The following CSNK1E variants were observed in gnomAD, a reference collection of about 807,000 sequenced individuals.
CSNK1E encodes the protein casein kinase I isoform epsilon.
CSNK1E carries 17 observed loss-of-function variants against 46.1 expected under a neutral mutation model. That is an observed-to-expected ratio of 0.37 (90% confidence interval 0.25 to 0.55). The LOEUF is 0.55. Ranked by LOEUF, CSNK1E falls within the 20% of genes least tolerant of loss-of-function variation. The pLI is 0.82. For synonymous variants in CSNK1E, 241 were observed against 242.6 expected (o/e 0.99, Z 0.06); for missense variants, 386 against 595.4 (o/e 0.65, Z 3.66).
rs2092713381 is a variant in CSNK1E at position 38,309,833 on chromosome 22, A to G, written c.76+4249T>C. On this transcript the variant is annotated intron_variant, in intron 2 of 10. Coordinates refer to ENST00000396832, the MANE Select transcript of CSNK1E (RefSeq NM_152221.3). This position sits in a 1 kb window ranked among gnomAD's most constrained non-coding sequence, Gnocchi z 4.8. Reference sequence around the variant, plus strand: ...ATCATATGCTACAAACTTCCCAGGGACAGGGACCCAAGCTGCTAGGCAAAG... The same window carrying G: ...ATCATATGCTACAAACTTCCCAGGGGCAGGGACCCAAGCTGCTAGGCAAAG... Among the ~76,000 whole-genome samples, 1 of 152,216 alleles carries G rather than the reference A, an allele frequency of 6.6e-6. No individual in the cohort carries two copies. The highest frequency in any genetic ancestry group is 2.4e-5 in the African/African-American group (1 of 41,456).
intron 2 of CSNK1E, among the ~76,000 whole-genome samples, chr22:38,313,595 C>G (rs757597033): frequency 4.6e-5 from 7 of 152,184 alleles, no homozygotes; most frequent in Admixed American, 1.3e-4. Flanking sequence ...GAGACCGCAT[C>G]CCCCCACCCC....
Position 38,309,362 on chromosome 22 carries a change from G to A in CSNK1E, c.76+4720C>T, listed in dbSNP as rs1485065710. On this transcript the variant is annotated intron_variant, in intron 2 of 10. Coordinates refer to ENST00000396832, the MANE Select transcript of CSNK1E (RefSeq NM_152221.3). The surrounding 1 kb of genome is among the most constrained non-coding windows in gnomAD (Gnocchi z 4.8). Reference sequence around the variant, plus strand: ...CAGCACTTGGTGATTCGGCAGATGTGTGCAGGGAGGAGAGGTGCTGGGGAG... The same window carrying A: ...CAGCACTTGGTGATTCGGCAGATGTATGCAGGGAGGAGAGGTGCTGGGGAG... Among the ~76,000 whole-genome samples the A allele has an allele frequency of 6.6e-6, 1 of 152,214 alleles. No homozygotes were observed. Among genetic ancestry groups the A allele is most frequent in the Admixed American group, 6.5e-5 (1 of 15,288 alleles).
rs549552326 is a variant in CSNK1E at position 38,303,453 on chromosome 22, C to T, written c.77-205G>A. Among the ~76,000 whole-genome samples, 1 of 152,324 alleles carries T rather than the reference C, an allele frequency of 6.6e-6. No homozygotes were observed. The highest frequency in any genetic ancestry group is 1.5e-5 in the Non-Finnish European group (1 of 68,028). On this transcript the variant is annotated intron_variant, in intron 2 of 10. Coordinates refer to ENST00000396832, the MANE Select transcript of CSNK1E (RefSeq NM_152221.3). The surrounding 1 kb of genome is among the most constrained non-coding windows in gnomAD (Gnocchi z 4.7). ...GAAAGAAGGTCAGCGCTGTGAGGGA[C>T]AGAGGTGACACACAAGGGCTACCCA...
chr22:38,310,194 C>T (rs141324083), intron 2 of CSNK1E, among the ~76,000 whole-genome samples: 73 of 152,222 alleles, frequency 4.8e-4, no homozygotes, highest in African/African-American at 1.7e-3. Flanking sequence ...GCCCCACATG[C>T]GAAGGCCTAG....
chr22:38,301,096 G>A (rs2092669671), intron 4 of CSNK1E, 144 bp from the exon 5 acceptor site: 1 of 665,766 alleles, frequency 1.5e-6, no homozygotes, highest in Non-Finnish European at 2.6e-6. Flanking sequence ...GGGCAGGCCA[G>A]AGAAGGCCTC....
intron 1 of CSNK1E, among the ~76,000 whole-genome samples, chr22:38,315,751 A>G (rs2092742185): frequency 6.6e-6 from 1 of 151,804 alleles, no homozygotes; most frequent in African/African-American, 2.4e-5. Flanking sequence ...GAACATAAAT[A>G]TACCCGCATC....
chr22:38,292,711 G>GGGGC (rs1197418366), intron 10 of CSNK1E: 4 of 153,098 alleles, frequency 2.6e-5, no homozygotes, highest in Non-Finnish European at 5.8e-5. Flanking sequence ...GCCCCAGAGT[G>GGGGC]GGGCGTTTCC....
In CSNK1E at chr22:38,317,333, C is replaced by A; in HGVS notation, c.-186G>T. On this transcript the variant is annotated 5_prime_UTR_variant, in exon 1 of 11. Coordinates refer to ENST00000396832, the MANE Select transcript of CSNK1E (RefSeq NM_152221.3). Reference sequence around the variant, plus strand: ...CGCTCCGCTCGGCCCCGGCCGGGCTCTGGCTCTGGGCTCTCGCCGCCGCCG... The same window carrying A: ...CGCTCCGCTCGGCCCCGGCCGGGCTATGGCTCTGGGCTCTCGCCGCCGCCG... The A allele has an allele frequency of 6.7e-6, 1 of 150,264 alleles. No individual in the cohort carries two copies. Among genetic ancestry groups the A allele is most frequent in the Non-Finnish European group, 1.4e-5 (1 of 70,232 alleles). The allele number at this position is 150,264 out of a possible 1,614,324, so 9.3% of individuals were successfully genotyped here.
At chr22:38,308,191 C>G (rs547112109) in intron 2 of CSNK1E, among the ~76,000 whole-genome samples, 1 of 152,282 alleles carries the variant, frequency 6.6e-6, no homozygotes, top group East Asian at 1.9e-4. Context: ...TCACTTAACA[C>G]ATTTTTGTGT....
At position 38,294,296 on chromosome 22, in the gene CSNK1E, C is replaced by A. The variant is rs754297716; in HGVS notation, c.1078+46G>T. On this transcript the variant is annotated intron_variant, in intron 8 of 10. Transcript: ENST00000396832. The surrounding 1 kb of genome is among the most constrained non-coding windows in gnomAD (Gnocchi z 5.5). ...CCCTCAGAGTAGGCACAAACAGAGC[C>A]CCCCACCCACCCTGAACCCAGCCCA... is the stretch of plus-strand genomic sequence containing the variant. 1 of 1,597,324 alleles carries A rather than the reference C, an allele frequency of 6.3e-7. No homozygotes were observed.
At chr22:38,317,957 A>G (rs2092756999), upstream of CSNK1E, 1 of 152,250 alleles carries the variant, frequency 6.6e-6, no homozygotes, top group Admixed American at 6.5e-5. Flanking sequence ...TGTCGACACA[A>G]GGCCCAGAAA....
Position 38,308,051 on chromosome 22 carries a change from A to C in CSNK1E, c.77-4803T>G, listed in dbSNP as rs150667134. 7.2e-5 allele frequency among the ~76,000 whole-genome samples: 11 copies of C among 152,130 alleles called. No individual in the cohort carries two copies. In the East Asian group the frequency reaches 2.1e-3, roughly 29 times the overall value. On this transcript the variant is annotated intron_variant, in intron 2 of 10. Coordinates refer to ENST00000396832, the MANE Select transcript of CSNK1E (RefSeq NM_152221.3). Reference sequence around the variant, plus strand: ...GTAGCCTTTAGTGGGGTAAGGTCCTATCTCCTCGCTCCATCCCCTGCCCCC... The same window carrying C: ...GTAGCCTTTAGTGGGGTAAGGTCCTCTCTCCTCGCTCCATCCCCTGCCCCC...
At chr22:38,296,561 T>C in intron 7 of CSNK1E, 1 of 1,612,298 alleles carries the variant, frequency 6.2e-7, no homozygotes, top group Non-Finnish European at 8.5e-7. Flanking sequence ...TGGCATTGAG[T>C]CAGAGATTGG....
rs752843091 is a variant in CSNK1E, at chr22:38,294,760, A to C, written c.886-226T>G. ...AAGGAGAAAGCAGGAGTCTGGGGGCAGAGGGAGGTCAGTCTGCCCTGCTCT... is the reference window on the plus strand; with the variant it reads ...AAGGAGAAAGCAGGAGTCTGGGGGCCGAGGGAGGTCAGTCTGCCCTGCTCT... On this transcript the variant is annotated intron_variant, in intron 7 of 10. Coordinates refer to ENST00000396832, the MANE Select transcript of CSNK1E (RefSeq NM_152221.3). The surrounding 1 kb of genome is among the most constrained non-coding windows in gnomAD (Gnocchi z 5.5). 3.7e-4 allele frequency among the ~76,000 whole-genome samples: 57 copies of C among 152,216 alleles called. No individual in the cohort carries two copies. Among genetic ancestry groups the C allele is most frequent in the Non-Finnish European group, 6.5e-4 (44 of 68,026 alleles).
rs28657684 is a variant in CSNK1E, at chr22:38,302,332, C to G, written c.336+529G>C. 3.9e-3 allele frequency among the ~76,000 whole-genome samples: 600 copies of G among 152,236 alleles called. 3 individuals carry two copies. The highest frequency in any genetic ancestry group is 0.014 in the African/African-American group (577 of 41,536). Reference sequence around the variant, plus strand: ...ACCAGCCTGGTCAACACAGTGAGACCCCCATCTCTATTTCTTACAATTAAA... The same window carrying G: ...ACCAGCCTGGTCAACACAGTGAGACGCCCATCTCTATTTCTTACAATTAAA... On this transcript the variant is annotated intron_variant, in intron 4 of 10. Coordinates refer to ENST00000396832, the MANE Select transcript of CSNK1E (RefSeq NM_152221.3).
intron 2 of CSNK1E, among the ~76,000 whole-genome samples, chr22:38,313,532 C>A (rs2092729868): frequency 6.6e-6 from 1 of 152,180 alleles, no homozygotes. Flanking sequence ...CTCATACTTT[C>A]AACAGGAAGC....
Position 38,294,618 on chromosome 22 carries a change from G to A in CSNK1E, c.886-84C>T. 7.5e-7 allele frequency: 1 copy of A among 1,327,002 alleles called. No homozygotes were observed. The highest frequency in any genetic ancestry group is 1.0e-6 in the Non-Finnish European group (1 of 982,244). The allele number at this position is 1,327,002 out of a possible 1,614,324, so 82.2% of individuals were successfully genotyped here. A position where few individuals can be genotyped will look rare whatever the true frequency, so the allele number is the denominator to read the frequency against. ...AGCAGCCCTGCAGGGCACAGAAGGG[G>A]AGGGAGGCCAGGTGGATATCTCAGA... On this transcript the variant is annotated intron_variant, in intron 7 of 10. Transcript: ENST00000396832. This position sits in a 1 kb window ranked among gnomAD's most constrained non-coding sequence, Gnocchi z 5.5.
chr22:38,295,444 G>A (rs1203695033), intron 7 of CSNK1E: 4 of 974,046 alleles, frequency 4.1e-6, no homozygotes, highest in South Asian at 4.7e-5. Context: ...GAAGGGGGCC[G>A]CATCTGTGGA....
intron 2 of CSNK1E, among the ~76,000 whole-genome samples, chr22:38,313,061 C>T (rs187075775): frequency 1.4e-3 from 216 of 152,312 alleles, no homozygotes; most frequent in African/African-American, 4.7e-3. Context: ...TCAGGGAACT[C>T]CCAGTCTCCG....
Sources: gnomAD v4.1 joint callset for allele counts (sites outside exome capture counted in the v4.1 genomes callset) on GRCh38, gnomAD v4.1.1 for gene constraint, Gnocchi (gnomAD v3.1) non-coding constraint, MANE v1.5 for transcripts, NCBI Gene and HGNC (gene_info 2026-07-23, HGNC 2026-07-21) for gene names.